PLXNA4: variants seen among roughly 807,000 people sequenced by gnomAD.
The protein encoded by PLXNA4 is plexin A4, also known as plexin-A4.
Under a neutral mutation model 191.8 loss-of-function variants are expected in PLXNA4, and 44 were observed. That is an observed-to-expected ratio of 0.23 (90% confidence interval 0.18 to 0.29). The LOEUF (loss-of-function observed/expected upper bound fraction) is 0.29. Among genes scored for constraint, PLXNA4 ranks in the 10% least tolerant of loss-of-function variants. The probability of loss-of-function intolerance (pLI) is 1.00; values close to 1 mark genes in which losing one functional copy is unlikely to be tolerated. For missense variants in PLXNA4, 1,800 were observed against 2,488.8 expected (o/e 0.72, Z 5.89); for synonymous variants, 1,082 against 1,009.5 (o/e 1.07, Z -1.36).
At chr7:132,358,220 T>G (rs1734264993) in intron 3 of PLXNA4, among the ~76,000 whole-genome samples, 1 of 152,224 alleles carries the variant, frequency 6.6e-6, no homozygotes, top group Non-Finnish European at 1.5e-5. Context: ...TCCTTTTTGT[T>G]CCCCACTTCC....
rs114817171 is a variant in PLXNA4, at chr7:132,407,841, G to A, written c.1371+81451C>T. On this transcript the variant is annotated intron_variant, in intron 3 of 31. Transcript: ENST00000321063. ...TAGAACACACAGATTTTATACATCG[G>A]AAACAAGAAATGTCTACCACATTAG... Among the ~76,000 whole-genome samples the A allele has an allele frequency of 9.9e-3, 1,515 of 152,308 alleles. 25 individuals carry two copies. Among genetic ancestry groups the A allele is most frequent in the African/African-American group, 0.035 (1,454 of 41,556 alleles).
At chr7:132,388,821 TCTA>T (rs1805272335) in intron 3 of PLXNA4, among the ~76,000 whole-genome samples, 2 of 152,178 alleles carry the variant, frequency 1.3e-5, no homozygotes, top group African/African-American at 4.8e-5. Flanking sequence ...CCCTTCCAAT[TCTA>T]CAAGATTCTA....
intron 26 of PLXNA4, 134 bp downstream of exon 26, chr7:132,148,409 T>A: frequency 7.6e-7 from 1 of 1,323,004 alleles, no homozygotes; most frequent in Non-Finnish European, 1.0e-6. Context: ...AGACACCAAT[T>A]TCCTCTGGAT....
At chr7:132,384,884 G>A (rs1408109241) in intron 3 of PLXNA4, 2 of 1,201,068 alleles carry the variant, frequency 1.7e-6, no homozygotes, top group Middle Eastern at 3.6e-4. Context: ...TCCGATGGGA[G>A]AATCAGTTAG....
intron 29 of PLXNA4, among the ~76,000 whole-genome samples, chr7:132,141,282 T>TCACAC (rs1244034785): frequency 6.6e-6 from 1 of 152,166 alleles, no homozygotes; most frequent in Non-Finnish European, 1.5e-5. Context: ...TTGGCAGAAG[T>TCACAC]CACACCCTTC....
chr7:132,176,410 G>A (rs1047799374), intron 20 of PLXNA4, among the ~76,000 whole-genome samples: 1 of 152,362 alleles, frequency 6.6e-6, no homozygotes, highest in African/African-American at 2.4e-5. Flanking sequence ...GAACATTCAT[G>A]TGTGTCCTGA....
chr7:132,180,651 C>G lies in PLXNA4; in HGVS notation c.3574G>C (p.Val1192Leu). ...AGCAGCTGGACATCTGACACGGTCA[C>G]GGTGCACGGCTTCTCCCCAACCAGC... ...TVLVGEKPCT[V>L]TVSDVQLLCE... is the part of the protein sequence containing the mutation. Residue 1192 changes from valine to leucine, a missense_variant, in exon 19 of 32, where the codon GTG (valine) becomes CTG (leucine). By Grantham distance (32) the Val-to-Leu change is conservative. Transcript: ENST00000321063. 2 of 1,614,184 alleles carry G rather than the reference C, an allele frequency of 1.2e-6. No homozygotes were observed. Among genetic ancestry groups the G allele is most frequent in the Non-Finnish European group, 1.7e-6 (2 of 1,180,046 alleles).
intron 14 of PLXNA4, among the ~76,000 whole-genome samples, chr7:132,187,905 A>G (rs1404954348): frequency 1.3e-5 from 2 of 152,160 alleles, no homozygotes; most frequent in African/African-American, 4.8e-5. Flanking sequence ...ATCCCTATAT[A>G]CACATACATA....
At chr7:132,228,735 G>T (rs1405737765) in intron 5 of PLXNA4, among the ~76,000 whole-genome samples, 1 of 152,162 alleles carries the variant, frequency 6.6e-6, no homozygotes, top group Non-Finnish European at 1.5e-5. Context: ...ACTCACATAA[G>T]GTGTTGCACA....
intron 3 of PLXNA4, among the ~76,000 whole-genome samples, chr7:132,317,412 A>T (rs1467908720): frequency 6.7e-6 from 1 of 150,094 alleles, no homozygotes; most frequent in African/African-American, 2.5e-5. Context: ...GTTGGGTTGA[A>T]TTTGATTGGA....
intron 3 of PLXNA4, among the ~76,000 whole-genome samples, chr7:132,410,871 C>T (rs1263019104): frequency 6.6e-6 from 1 of 152,160 alleles, no homozygotes; most frequent in Non-Finnish European, 1.5e-5. Flanking sequence ...AGCATCCATT[C>T]TAGGTGGAAA....
At chr7:132,170,023 G>A (rs1796238038) in intron 21 of PLXNA4, among the ~76,000 whole-genome samples, 2 of 152,074 alleles carry the variant, frequency 1.3e-5, no homozygotes, top group Middle Eastern at 3.4e-3. Flanking sequence ...TCTCCCCAAG[G>A]GGGTGGATAC....
chr7:132,438,799 T>C (rs1254057034), intron 3 of PLXNA4, among the ~76,000 whole-genome samples: 2 of 152,230 alleles, frequency 1.3e-5, no homozygotes, highest in African/African-American at 4.8e-5. Context: ...AATAGCTTTT[T>C]TTTTCAATCA....
chr7:132,526,618 G>T (rs746866565), intron 1 of PLXNA4, among the ~76,000 whole-genome samples: 6 of 152,210 alleles, frequency 3.9e-5, no homozygotes, highest in Non-Finnish European at 8.8e-5. Flanking sequence ...TGTACTCCTG[G>T]CGCCCCTGTT....
At chr7:132,155,302 C>T (rs1795759308) in intron 25 of PLXNA4, among the ~76,000 whole-genome samples, 2 of 152,156 alleles carry the variant, frequency 1.3e-5, no homozygotes, top group South Asian at 2.1e-4. Context: ...ACTGTGAGAA[C>T]TCAGAGAACT....
At chr7:132,520,975 CCT>C (rs1799153806) in intron 1 of PLXNA4, among the ~76,000 whole-genome samples, 1 of 152,064 alleles carries the variant, frequency 6.6e-6, no homozygotes, top group Admixed American at 6.5e-5. Context: ...CCCTCTACCC[CCT>C]CTCTTCTTTC....
In PLXNA4 at chr7:132,140,847, C is replaced by T. The variant is rs199928075; in HGVS notation, c.5226-36G>A. ...GGAAGAGGCAGATGGTCAGGAAAGA[C>T]GGGGCAGTGGGGCTGTGGTGTGGGT... On this transcript the variant is annotated intron_variant, in intron 29 of 31. Transcript: ENST00000321063. The T allele has an allele frequency of 2.2e-4, 352 of 1,610,622 alleles. 2 individuals are homozygous for T. The highest frequency in any genetic ancestry group is 1.5e-3 in the Middle Eastern group (9 of 6,020).
At chr7:132,148,362 T>G (rs112734538) in intron 26 of PLXNA4, among the ~76,000 whole-genome samples, 181 bp downstream of exon 26, 2,790 of 152,260 alleles carry the variant, frequency 0.018, 83 homozygotes, top group African/African-American at 0.063. Context: ...GGATGCTATC[T>G]CCAAAGAGGT....
intron 21 of PLXNA4, among the ~76,000 whole-genome samples, chr7:132,169,466 T>C (rs1796219731): frequency 6.6e-6 from 1 of 152,038 alleles, no homozygotes; most frequent in Middle Eastern, 3.2e-3. Context: ...AGAGAACAGG[T>C]GGAGGAATTG....
Sources: gnomAD v4.1 joint callset for allele counts (sites outside exome capture counted in the v4.1 genomes callset) on GRCh38, gnomAD v4.1.1 for gene constraint, MANE v1.5 for transcripts, NCBI Gene and HGNC (gene_info 2026-07-23, HGNC 2026-07-21) for gene names.